CBX5: variants seen among roughly 807,000 people sequenced by gnomAD.
CBX5 encodes the protein chromobox protein homolog 5.
In CBX5, 7 loss-of-function variants were observed where a neutral mutation model predicts 20.7. That is an observed-to-expected ratio of 0.34 (90% CI 0.19 to 0.63). The LOEUF is 0.63. Among genes scored for constraint, CBX5 ranks in the 30% least tolerant of loss-of-function variants. CBX5 has a pLI of 0.75. For missense variants in CBX5, 110 were observed against 224.1 expected (o/e 0.49, Z 3.25); for synonymous variants, 78 against 77.0 (o/e 1.01, Z -0.07).
chr12:54,275,652 A>G (rs757180028), intron 1 of CBX5, among the ~76,000 whole-genome samples: 2 of 152,158 alleles, frequency 1.3e-5, no homozygotes, highest in Admixed American at 6.5e-5. Flanking sequence ...CAGAATTTCA[A>G]TGAAAAATTA....
At position 54,241,642 on chromosome 12, in the gene CBX5, A is replaced by T; in HGVS notation, c.*113T>A. 1 of 969,002 alleles carries T rather than the reference A, an allele frequency of 1.0e-6. No homozygotes were observed. Among genetic ancestry groups the T allele is most frequent in the Non-Finnish European group, 1.6e-6 (1 of 644,098 alleles). 60.0% of individuals were successfully genotyped at this position (969,002 alleles called of 1,614,324 possible). ...CATTTCTCCTGTGGAGCACAGTGAT[A>T]AGCACATTTTTTATGGATGTGTTTA... On this transcript the variant is annotated 3_prime_UTR_variant, in exon 5 of 5. Transcript: ENST00000209875.
intron 4 of CBX5, among the ~76,000 whole-genome samples, chr12:54,244,167 A>AT (rs924975480): frequency 0.013 from 1,846 of 140,068 alleles, 16 homozygotes; most frequent in Middle Eastern, 0.023. Context: ...AAGCCTGGCT[A>AT]TTTTTTTTTT....
At position 54,257,499 on chromosome 12, in the gene CBX5, A is replaced by C. The variant is rs1167399249; in HGVS notation, c.137+15T>G. ...TCTACAGAGTCCCAACGCCTGGGGG[A>C]AAAAAGGAACTTACTCAGAAAAGCC... On this transcript the variant is annotated intron_variant, in intron 2 of 4. Coordinates refer to ENST00000209875, the MANE Select transcript of CBX5 (RefSeq NM_012117.3). 4 of 1,612,042 alleles carry C rather than the reference A, an allele frequency of 2.5e-6. No homozygotes were observed. Among genetic ancestry groups the C allele is most frequent in the Non-Finnish European group, 3.4e-6 (4 of 1,178,654 alleles).
At chr12:54,270,487 G>A (rs1943999133) in intron 1 of CBX5, among the ~76,000 whole-genome samples, 2 of 152,048 alleles carry the variant, frequency 1.3e-5, no homozygotes, top group African/African-American at 4.8e-5. Context: ...TGCCCAGGCT[G>A]GTCTTGAACT....
intron 3 of CBX5, among the ~76,000 whole-genome samples, chr12:54,250,851 G>A (rs1943792357): frequency 1.4e-5 from 2 of 146,068 alleles, no homozygotes; most frequent in South Asian, 4.3e-4. Flanking sequence ...AAAAGAAAGG[G>A]CCGGGCGCGG....
chr12:54,280,122 C>G lies in CBX5; in HGVS notation c.-157G>C, dbSNP rs1043729777. The G allele has an allele frequency of 6.3e-6, 1 of 157,752 alleles. No individual in the cohort carries two copies. Among genetic ancestry groups the G allele is most frequent in the Admixed American group, 6.3e-5 (1 of 15,972 alleles). 9.8% of individuals were successfully genotyped at this position (157,752 alleles called of 1,614,324 possible). A position where few individuals can be genotyped will look rare whatever the true frequency, so the allele number is the denominator to read the frequency against. On this transcript the variant is annotated 5_prime_UTR_variant, in exon 1 of 5. Transcript: ENST00000209875. The stretch of plus-strand genomic sequence containing the variant: ...GCGCAACGCCAACCGCCCGCCAAAA[C>G]GGATCCTTCCCTGCGCCTGCGCAAC...
chr12:54,264,839 A>G (rs1425844700), intron 1 of CBX5, among the ~76,000 whole-genome samples: 4 of 151,900 alleles, frequency 2.6e-5, no homozygotes, highest in Non-Finnish European at 4.4e-5. Context: ...GTGAAACTCC[A>G]TCTCAAAGAA....
chr12:54,275,074 T>C (rs1476622358), intron 1 of CBX5, among the ~76,000 whole-genome samples: 1 of 152,198 alleles, frequency 6.6e-6, no homozygotes, highest in African/African-American at 2.4e-5. Context: ...TCCCTAGCCA[T>C]ATACAAATCC....
chr12:54,241,735 G>A lies in CBX5; in HGVS notation c.*20C>T. 6.2e-7 allele frequency: 1 copy of A among 1,604,752 alleles called. No homozygotes were observed. Among genetic ancestry groups the A allele is most frequent in the Admixed American group, 1.8e-5 (1 of 57,140 alleles). On this transcript the variant is annotated 3_prime_UTR_variant, in exon 5 of 5. Transcript: ENST00000209875. ...GAATGTATTATGTACAAAGAGAAAT[G>A]ACAGAGACCATCCCCTCCTTTAGCT...
At chr12:54,262,381 A>G (rs773293200) in intron 1 of CBX5, among the ~76,000 whole-genome samples, 2 of 152,264 alleles carry the variant, frequency 1.3e-5, no homozygotes, top group Admixed American at 6.5e-5. Flanking sequence ...AGAACTGCCT[A>G]AAGGGCACAT....
intron 1 of CBX5, among the ~76,000 whole-genome samples, chr12:54,275,368 A>G (rs1325643489): frequency 6.6e-6 from 1 of 151,918 alleles, no homozygotes; most frequent in African/African-American, 2.4e-5. Context: ...CAGCCTCCAG[A>G]GTAGCTGGGG....
chr12:54,245,231 G>A (rs1230850005), intron 4 of CBX5, among the ~76,000 whole-genome samples: 3 of 151,768 alleles, frequency 2.0e-5, no homozygotes. Flanking sequence ...GGCTAGCCTC[G>A]AACTCCTGAC....
At chr12:54,273,274 C>T (rs1944027630) in intron 1 of CBX5, 1 of 152,054 alleles carries the variant, frequency 6.6e-6, no homozygotes. Context: ...GAAATCCTGT[C>T]TCTATCAAAA....
At chr12:54,260,558 G>A (rs2137023861) in intron 1 of CBX5, among the ~76,000 whole-genome samples, 1 of 151,488 alleles carries the variant, frequency 6.6e-6, no homozygotes, top group East Asian at 1.9e-4. Context: ...AAAAAAAAGA[G>A]GAGAGCAGTT....
chr12:54,257,488 A>G, intron 2 of CBX5, 26 bp downstream of exon 2: 3 of 1,613,712 alleles, frequency 1.9e-6, no homozygotes, highest in Non-Finnish European at 2.5e-6. Flanking sequence ...CAGAGTCCCA[A>G]CGCCTGGGGG....
rs1055534505 is a variant in CBX5, at chr12:54,231,469, G to GCAGAGTC, written c.*10279_*10285dup. 5 of 154,662 alleles carry GCAGAGTC rather than the reference G, an allele frequency of 3.2e-5. No individual in the cohort carries two copies. Among genetic ancestry groups the GCAGAGTC allele is most frequent in the African/African-American group, 1.2e-4 (5 of 41,516 alleles). 9.6% of individuals were successfully genotyped at this position (154,662 alleles called of 1,614,324 possible). On this transcript the variant is annotated 3_prime_UTR_variant, in exon 5 of 5. Transcript: ENST00000209875. ...TGCTAGTGCTGGGTGAACAGTGAGA[G>GCAGAGTC]CAGAGTCCACAAAACACAGAGAACC...
intron 1 of CBX5, among the ~76,000 whole-genome samples, chr12:54,269,473 C>T (rs538664061): frequency 6.8e-4 from 103 of 152,082 alleles, no homozygotes; most frequent in Non-Finnish European, 1.1e-3. Flanking sequence ...ACTGCACCCT[C>T]CGCCTCTGAG....
chr12:54,251,516 CAAA>C (rs55662273), intron 3 of CBX5, among the ~76,000 whole-genome samples: 1,397 of 68,118 alleles, frequency 0.021, 16 homozygotes, highest in African/African-American at 0.082. Flanking sequence ...GACTCTGTCT[CAAA>C]AAAAAAAAAA....
chr12:54,252,071 G>C lies in CBX5; in HGVS notation c.294C>G (p.Ala98=), dbSNP rs777794847. Residue 98 remains alanine (A), a synonymous_variant, in exon 3 of 5, where the codon GCC becomes GCG. Coordinates refer to ENST00000209875, the MANE Select transcript of CBX5 (RefSeq NM_012117.3). ...NKRKSNFSNS[A]DDIKSKKKRE... is the part of the protein sequence containing the mutation. ...TCTTTTTTTTAGATTTGATGTCATC[G>C]GCACTGTTTGAGAAATTGGATTTCC... is the stretch of plus-strand genomic sequence containing the variant. 1 of 1,607,432 alleles carries C rather than the reference G, an allele frequency of 6.2e-7. No homozygotes were observed. Among genetic ancestry groups the C allele is most frequent in the Non-Finnish European group, 8.5e-7 (1 of 1,177,774 alleles).
Sources: gnomAD v4.1 joint callset for allele counts (sites outside exome capture counted in the v4.1 genomes callset) on GRCh38, gnomAD v4.1.1 for gene constraint, MANE v1.5 for transcripts, NCBI Gene and HGNC (gene_info 2026-07-23, HGNC 2026-07-21) for gene names.